The following PTPRG variants were observed in gnomAD, a reference collection of about 807,000 sequenced individuals.
The protein encoded by PTPRG is protein tyrosine phosphatase receptor type G.
A neutral mutation model predicts 165.3 loss-of-function variants in PTPRG; 102 were observed. The ratio of observed to expected loss-of-function variants is 0.62; its 90% CI spans 0.53 to 0.73. PTPRG has a LOEUF of 0.73. PTPRG is among the 30% of genes least tolerant of loss of function. The probability of loss-of-function intolerance (pLI) is 0.00; values close to 1 mark genes in which losing one functional copy is unlikely to be tolerated. For synonymous variants in PTPRG, 675 were observed against 669.5 expected (o/e 1.01, Z -0.13); for missense variants, 1,866 against 1,861.4 (o/e 1.00, Z -0.05).
intron 1 of PTPRG, among the ~76,000 whole-genome samples, chr3:61,617,841 A>G (rs981348331): frequency 6.6e-6 from 1 of 152,158 alleles, no homozygotes; most frequent in African/African-American, 2.4e-5. Context: ...GTTGTGTCAT[A>G]TTTTAAATGG....
intron 1 of PTPRG, among the ~76,000 whole-genome samples, chr3:61,612,451 A>T (rs1018469713): frequency 6.6e-6 from 1 of 152,248 alleles, no homozygotes; most frequent in East Asian, 1.9e-4. Context: ...GTTCAGTTGT[A>T]GGTAGTTCTC....
chr3:61,706,756 T>C (rs573184848), intron 1 of PTPRG, among the ~76,000 whole-genome samples: 17 of 152,198 alleles, frequency 1.1e-4, no homozygotes, highest in African/African-American at 3.6e-4. Context: ...TCCCAAAGTG[T>C]TGGGATTACA....
At chr3:61,686,907 C>T (rs1030748294) in intron 1 of PTPRG, among the ~76,000 whole-genome samples, 2 of 152,040 alleles carry the variant, frequency 1.3e-5, no homozygotes, top group African/African-American at 4.8e-5. Context: ...TTGGTGTTGT[C>T]TTGAGAGGTA....
chr3:62,191,453 C>T lies in PTPRG; in HGVS notation c.1034-16C>T. On this transcript the variant is annotated splice_polypyrimidine_tract_variant and intron_variant, in intron 8 of 29. Coordinates refer to ENST00000474889, the MANE Select transcript of PTPRG (RefSeq NM_002841.4). ...TGTTCTGAAAGCTCCCTGAGCTGAG[C>T]CCTGTGTATCTTCAGTTTGCAGCTC... 2 of 1,611,534 alleles carry T rather than the reference C, an allele frequency of 1.2e-6. No individual in the cohort carries two copies. The highest frequency in any genetic ancestry group is 8.5e-7 in the Non-Finnish European group (1 of 1,179,046).
intron 1 of PTPRG, among the ~76,000 whole-genome samples, chr3:61,723,636 A>C (rs1323491511): frequency 2.0e-5 from 3 of 152,222 alleles, no homozygotes; most frequent in Admixed American, 6.5e-5. Flanking sequence ...GGAAGGTGCC[A>C]AGATAGTACA....
intron 2 of PTPRG, among the ~76,000 whole-genome samples, chr3:61,761,356 C>A (rs751646077): frequency 6.6e-6 from 1 of 152,168 alleles, no homozygotes; most frequent in African/African-American, 2.4e-5. Flanking sequence ...GTGGGCAGAT[C>A]ACTTGAAGTC....
chr3:62,078,110 TTTTA>T, intron 4 of PTPRG, 49 bp from the exon 5 acceptor site: 2 of 1,294,256 alleles, frequency 1.5e-6, no homozygotes, highest in Admixed American at 2.0e-5. Context: ...TCTCTCAACT[TTTTA>T]TTTATGTTTG....
At chr3:61,610,777 C>A (rs28446651) in intron 1 of PTPRG, among the ~76,000 whole-genome samples, 2 of 86,450 alleles carry the variant, frequency 2.3e-5, no homozygotes, top group Admixed American at 1.5e-4. Context: ...CTCCCTACCT[C>A]CCTCCCTCTC....
At chr3:62,060,418 G>C (rs1292136736) in intron 4 of PTPRG, among the ~76,000 whole-genome samples, 5 of 152,056 alleles carry the variant, frequency 3.3e-5, no homozygotes, top group African/African-American at 1.2e-4. Context: ...TTGGTTGGAG[G>C]GTAGTGACCA....
chr3:61,646,047 C>G (rs1702192164), intron 1 of PTPRG, among the ~76,000 whole-genome samples: 1 of 152,222 alleles, frequency 6.6e-6, no homozygotes, highest in African/African-American at 2.4e-5. Flanking sequence ...CTCCTCCATT[C>G]AGAGAGAGTA....
At chr3:62,151,772 C>T (rs142785937) in intron 6 of PTPRG, among the ~76,000 whole-genome samples, 151 of 152,098 alleles carry the variant, frequency 9.9e-4, no homozygotes, top group Middle Eastern at 3.4e-3. Context: ...GCAGAATGCA[C>T]TGATCAGGAT....
At chr3:61,610,579 A>G (rs1315556757) in intron 1 of PTPRG, among the ~76,000 whole-genome samples, 1 of 152,244 alleles carries the variant, frequency 6.6e-6, no homozygotes. Flanking sequence ...TTAGGGTGAT[A>G]GTAAGAACAG....
intron 26 of PTPRG, among the ~76,000 whole-genome samples, chr3:62,281,082 G>A (rs757735549): frequency 6.6e-6 from 1 of 152,034 alleles, no homozygotes; most frequent in Non-Finnish European, 1.5e-5. Context: ...TTTACTATCT[G>A]TATGTATCCA....
intron 2 of PTPRG, among the ~76,000 whole-genome samples, chr3:61,838,331 A>G (rs949096546): frequency 6.6e-6 from 1 of 152,198 alleles, no homozygotes; most frequent in Non-Finnish European, 1.5e-5. Flanking sequence ...CTGACTGGAG[A>G]CTTAGGCCAC....
chr3:61,893,108 A>C (rs2038262067), intron 2 of PTPRG, among the ~76,000 whole-genome samples: 1 of 152,166 alleles, frequency 6.6e-6, no homozygotes. Flanking sequence ...GGTGCAGATG[A>C]ATGCTGCTGG....
intron 2 of PTPRG, among the ~76,000 whole-genome samples, chr3:61,906,382 G>A (rs1276262840): frequency 6.6e-6 from 1 of 151,880 alleles, no homozygotes; most frequent in African/African-American, 2.4e-5. Context: ...TGTGAACTGC[G>A]GAGGTGGAGG....
intron 4 of PTPRG, among the ~76,000 whole-genome samples, chr3:62,069,675 C>CA (rs1331836264): frequency 7.2e-6 from 1 of 138,290 alleles, no homozygotes; most frequent in Non-Finnish European, 1.6e-5. Flanking sequence ...CTCTCTCTCT[C>CA]TCTCTCTCTC....
chr3:62,243,779 T>C lies in PTPRG; in HGVS notation c.2376-28T>C, dbSNP rs763180276. 8.8e-6 allele frequency: 12 copies of C among 1,362,894 alleles called. No individual in the cohort carries two copies. The Middle Eastern group carries it at 1.1e-3, about 123-fold the overall frequency. 84.4% of individuals were successfully genotyped at this position (1,362,894 alleles called of 1,614,324 possible). A position where few individuals can be genotyped will look rare whatever the true frequency, so the allele number is the denominator to read the frequency against. On this transcript the variant is annotated intron_variant, in intron 14 of 29. Coordinates refer to ENST00000474889, the MANE Select transcript of PTPRG (RefSeq NM_002841.4). The stretch of plus-strand genomic sequence containing the variant: ...AACTCAAATAAAGTATATTCTATTA[T>C]TGACATGTTTTTCTCTTTTCTACAC...
At chr3:62,020,831 C>T (rs1000918841) in intron 4 of PTPRG, among the ~76,000 whole-genome samples, 113 of 139,032 alleles carry the variant, frequency 8.1e-4, no homozygotes, top group African/African-American at 3.1e-3. Flanking sequence ...TGTCACCATG[C>T]ACAGGTTTTT....
Sources: allele counts gnomAD v4.1 joint callset (sites outside exome capture counted in the v4.1 genomes callset), GRCh38; gene constraint gnomAD v4.1.1; transcripts MANE v1.5; gene names NCBI Gene and HGNC (gene_info 2026-07-23, HGNC 2026-07-21).